Variants in AHCYL1 observed in about 807,000 individuals in gnomAD.
The protein encoded by AHCYL1 is S-adenosylhomocysteine hydrolase-like protein 1.
Under a neutral mutation model 79.3 loss-of-function variants are expected in AHCYL1, and 20 were observed. The ratio of observed to expected loss-of-function variants is 0.25; its 90% CI spans 0.18 to 0.37. The LOEUF (loss-of-function observed/expected upper bound fraction) is 0.37, where lower values mean the gene tolerates loss of function less well. Ranked by LOEUF, AHCYL1 falls within the 10% of genes least tolerant of loss-of-function variation. AHCYL1 has a pLI of 1.00. For synonymous variants in AHCYL1, 223 were observed against 242.2 expected, an observed-to-expected ratio of 0.92 and a Z score of 0.74; for missense variants, 330 against 673.6, an observed-to-expected ratio of 0.49 and a Z score of 5.65.
intron 10 of AHCYL1, among the ~76,000 whole-genome samples, 153 bp from the exon 11 acceptor site, chr1:110,017,793 G>A (rs770772346): frequency 1.3e-5 from 2 of 152,184 alleles, no homozygotes; most frequent in East Asian, 3.9e-4. Flanking sequence ...ACTCTGAAGA[G>A]GCCAGTGTAT....
In AHCYL1 at chr1:110,023,154, C is replaced by A. The variant is rs192710755; in HGVS notation, c.*1474C>A. The A allele has an allele frequency of 2.2e-3, 330 of 152,730 alleles. 2 individuals are homozygous for A. The highest frequency in any genetic ancestry group is 6.8e-3 in the Middle Eastern group (2 of 294). The allele number at this position is 152,730 out of a possible 1,614,324, so 9.5% of individuals were successfully genotyped here. A position where few individuals can be genotyped will look rare whatever the true frequency, so the allele number is the denominator to read the frequency against. On this transcript the variant is annotated 3_prime_UTR_variant, in exon 17 of 17. Transcript: ENST00000369799. ...TTGGGTCATACGTTAGTGCTAGATA[C>A]TAGAAATTTTCACTTTTCCACTGAT...
chr1:109,986,862 A>G (rs9429768), intron 1 of AHCYL1, among the ~76,000 whole-genome samples: 35,346 of 152,114 alleles, frequency 0.23, 4,658 homozygotes, highest in East Asian at 0.31. Flanking sequence ...CTGGCTAACT[A>G]GTAACTGAGA....
intron 1 of AHCYL1, 132 bp downstream of exon 1, chr1:109,985,304 C>T (rs1217631412): frequency 4.3e-6 from 6 of 1,400,070 alleles, no homozygotes; most frequent in East Asian, 5.9e-5. Flanking sequence ...TAGGGGGTGG[C>T]GGCTGTGCGG....
intron 1 of AHCYL1, among the ~76,000 whole-genome samples, chr1:110,006,077 A>G (rs566268972): frequency 6.6e-6 from 1 of 152,332 alleles, no homozygotes; most frequent in East Asian, 1.9e-4. Flanking sequence ...TTTAAGACAC[A>G]GCAAGTAGAC....
At chr1:110,007,656 TACAG>T (rs1650742386) in intron 1 of AHCYL1, among the ~76,000 whole-genome samples, 1 of 152,220 alleles carries the variant, frequency 6.6e-6, no homozygotes, top group African/African-American at 2.4e-5. Flanking sequence ...GCCAGTATTA[TACAG>T]AGAAGATTTT....
At position 110,011,350 on chromosome 1, in the gene AHCYL1, A is replaced by G. The variant is rs370680286; in HGVS notation, c.369A>G (p.Ala123=). 5.6e-6 allele frequency: 9 copies of G among 1,614,058 alleles called. No homozygotes were observed. The highest frequency in any genetic ancestry group is 5.3e-5 in the African/African-American group (4 of 75,050). Residue 123 remains alanine (A), a synonymous_variant, in exon 3 of 17, where the codon GCA becomes GCG. Coordinates refer to ENST00000369799, the MANE Select transcript of AHCYL1 (RefSeq NM_006621.7). ...AEFGRREIEI[A]EQDMSALISL... ...TTGGACGCCGGGAGATTGAGATTGC[A>G]GAGCAAGGTAAAGAAAGGGAGTGGG...
intron 1 of AHCYL1, chr1:110,004,345 G>T: frequency 1.0e-6 from 1 of 985,470 alleles, no homozygotes; most frequent in Non-Finnish European, 1.2e-6. Flanking sequence ...AACCTGCTAA[G>T]TCTCAGAAGA....
At chr1:109,989,843 T>A (rs1340385126) in intron 1 of AHCYL1, among the ~76,000 whole-genome samples, 1 of 152,202 alleles carries the variant, frequency 6.6e-6, no homozygotes, top group Non-Finnish European at 1.5e-5. Flanking sequence ...ATGAGGTGCG[T>A]CAGAAGCATT....
At chr1:110,006,523 G>T (rs994751118) in intron 1 of AHCYL1, among the ~76,000 whole-genome samples, 3 of 152,156 alleles carry the variant, frequency 2.0e-5, no homozygotes, top group African/African-American at 7.2e-5. Context: ...CCAATCAGAA[G>T]GCTGTTGTTG....
At chr1:110,001,651 A>C (rs1650320543) in intron 1 of AHCYL1, among the ~76,000 whole-genome samples, 1 of 152,224 alleles carries the variant, frequency 6.6e-6, no homozygotes, top group Admixed American at 6.5e-5. Flanking sequence ...ACACTCCTAA[A>C]AAGAAACATA....
intron 1 of AHCYL1, among the ~76,000 whole-genome samples, chr1:109,986,324 C>T (rs1557756810): frequency 8.1e-5 from 12 of 147,596 alleles, no homozygotes; most frequent in Non-Finnish European, 1.5e-4. Context: ...AGAGATGGCT[C>T]TTTTTTTTTT....
rs1189479604 is a variant in AHCYL1, at chr1:110,003,484, AC to A, written c.121-5549del. ...AATAAAGTTGGAAAAGTAAAGTACA[AC>A]AATGGTGCTAGCGAGTGGGGATGGA... On this transcript the variant is annotated intron_variant, in intron 1 of 16. Transcript: ENST00000369799. Among the ~76,000 whole-genome samples, 6 of 152,138 alleles carry A rather than the reference AC, an allele frequency of 3.9e-5. No individual in the cohort carries two copies. The East Asian group carries it at 1.2e-3, about 29-fold the overall frequency.
chr1:109,985,296 G>C, intron 1 of AHCYL1, 124 bp downstream of exon 1: 1 of 1,415,646 alleles, frequency 7.1e-7, no homozygotes, highest in East Asian at 2.9e-5. Flanking sequence ...AGGTGATGTA[G>C]GGGGTGGCGG....
intron 7 of AHCYL1, 112 bp from the exon 8 acceptor site, chr1:110,016,232 G>C (rs1651414259): frequency 1.5e-6 from 1 of 679,134 alleles, no homozygotes; most frequent in East Asian, 2.7e-5. Context: ...CAATAAATGA[G>C]ACTGGGAAGG....
At chr1:110,018,695 GT>G in intron 13 of AHCYL1, 45 bp downstream of exon 13, 1 of 1,525,142 alleles carries the variant, frequency 6.6e-7, no homozygotes, top group Non-Finnish European at 9.0e-7. Flanking sequence ...AAGCAGAGTA[GT>G]TAGATCTATG....
Position 110,021,721 on chromosome 1 carries a change from C to T in AHCYL1, c.*41C>T. On this transcript the variant is annotated 3_prime_UTR_variant, in exon 17 of 17. Transcript: ENST00000369799. The stretch of plus-strand genomic sequence containing the variant: ...AGGACCAGTCCACCTGAACCACACA[C>T]TCTAAAGAAATATTTTTTAAGATAA... 6.3e-7 allele frequency: 1 copy of T among 1,584,810 alleles called. No homozygotes were observed. The highest frequency in any genetic ancestry group is 8.6e-7 in the Non-Finnish European group (1 of 1,159,440).
chr1:110,017,850 G>A, intron 10 of AHCYL1, 96 bp from the exon 11 acceptor site: 1 of 1,278,860 alleles, frequency 7.8e-7, no homozygotes. Context: ...AGGTGGCACT[G>A]GATCCAACTA....
chr1:110,008,729 A>G (rs1380504351), intron 1 of AHCYL1, among the ~76,000 whole-genome samples: 1 of 152,180 alleles, frequency 6.6e-6, no homozygotes, highest in Non-Finnish European at 1.5e-5. Context: ...ATAAGAGGGG[A>G]AAAAAACTTG....
chr1:110,013,530 T>G (rs1268707564), intron 5 of AHCYL1, among the ~76,000 whole-genome samples: 2 of 152,002 alleles, frequency 1.3e-5, no homozygotes, highest in Non-Finnish European at 2.9e-5. Context: ...GCCAACATGG[T>G]GAAACCCCAC....
Sources: allele counts gnomAD v4.1 joint callset (sites outside exome capture counted in the v4.1 genomes callset), GRCh38; gene constraint gnomAD v4.1.1; transcripts MANE v1.5; gene names NCBI Gene and HGNC (gene_info 2026-07-23, HGNC 2026-07-21).